The following ABCA6 variants were observed in gnomAD, a reference collection of about 807,000 sequenced individuals.
ABCA6 encodes ATP-binding cassette sub-family A member 6.
In ABCA6, 164 loss-of-function variants were observed where a neutral mutation model predicts 191.2. The observed-to-expected ratio is 0.86, with a 90% CI of 0.76 to 0.98. The LOEUF is 0.98. Ranked by LOEUF, ABCA6 falls within the 50% of genes least tolerant of loss-of-function variation. The pLI is 0.00. For missense variants in ABCA6, 1,958 were observed against 1,894.1 expected (o/e 1.03, Z -0.63); for synonymous variants, 636 against 647.7 (o/e 0.98, Z 0.27).
intron 36 of ABCA6, among the ~76,000 whole-genome samples, chr17:69,082,032 T>G (rs2072647756): frequency 6.6e-6 from 1 of 152,152 alleles, no homozygotes; most frequent in Non-Finnish European, 1.5e-5. Context: ...GTTGACCAGA[T>G]GTCCAAGATT....
At chr17:69,124,524 C>G (rs185836542) in intron 9 of ABCA6, among the ~76,000 whole-genome samples, 1 of 151,900 alleles carries the variant, frequency 6.6e-6, no homozygotes, top group African/African-American at 2.4e-5. Flanking sequence ...CTCCCGAGAG[C>G]CAAACCACCA....
chr17:69,087,629 A>G, intron 28 of ABCA6, 156 bp from the exon 29 acceptor site: 1 of 949,332 alleles, frequency 1.1e-6, no homozygotes. Flanking sequence ...TTTGCCAAGA[A>G]CTCCTGTCCC....
chr17:69,086,578 C>T, intron 30 of ABCA6, 40 bp downstream of exon 30: 2 of 1,440,030 alleles, frequency 1.4e-6, no homozygotes, highest in Non-Finnish European at 1.9e-6. Context: ...GTAGGTAGTT[C>T]TAAAAGTAAT....
At chr17:69,112,964 A>G (rs899298285) in intron 15 of ABCA6, 2 of 278,620 alleles carry the variant, frequency 7.2e-6, no homozygotes, top group African/African-American at 4.4e-5. Flanking sequence ...ATATAAAAAA[A>G]GATTTGAATG....
Position 69,114,921 on chromosome 17 carries a change from A to G in ABCA6, c.1623T>C (p.Tyr541=), listed in dbSNP as rs2144677393. ...CTTGCATTTCAGAGAGATTTTTATT[A>G]TAGATGGTAACTGATCCTAAGAATA... ...SVPTEGSVTI[Y]NKNLSEMQDL... is the part of the protein sequence containing the mutation. Residue 541 remains tyrosine (Y), a synonymous_variant, in exon 13 of 39, where the codon TAT becomes TAC. Transcript: ENST00000284425. 1.2e-6 allele frequency: 2 copies of G among 1,609,838 alleles called. No individual in the cohort carries two copies. Among genetic ancestry groups the G allele is most frequent in the East Asian group, 4.5e-5 (2 of 44,760 alleles).
chr17:69,130,094 T>A lies in ABCA6; in HGVS notation c.792-343A>T, dbSNP rs139153627. Among the ~76,000 whole-genome samples the A allele has an allele frequency of 2.8e-4, 42 of 152,136 alleles. No homozygotes were observed. In the East Asian group the frequency reaches 7.9e-3, roughly 29 times the overall value. Reference sequence around the variant, plus strand: ...ACTTTGGGAGGCTGAGGTGGGCAGATCATTTGAGGTCAAGAGTTCCAGACC... The same window carrying A: ...ACTTTGGGAGGCTGAGGTGGGCAGAACATTTGAGGTCAAGAGTTCCAGACC... On this transcript the variant is annotated intron_variant, in intron 6 of 38. Transcript: ENST00000284425.
chr17:69,079,305 A>G (rs749974106), intron 37 of ABCA6, 40 bp from the exon 38 acceptor site: 1 of 1,479,810 alleles, frequency 6.8e-7, no homozygotes, highest in Non-Finnish European at 9.2e-7. Context: ...GTAGATGCTT[A>G]CAATTTATTA....
chr17:69,124,860 G>A (rs1431879135), intron 9 of ABCA6, 28 bp downstream of exon 9: 9 of 1,415,642 alleles, frequency 6.4e-6, no homozygotes, highest in African/African-American at 1.5e-5. Flanking sequence ...TAACTGTAGA[G>A]GACAGAGAAA....
At chr17:69,122,543 T>G (rs980145991) in intron 10 of ABCA6, among the ~76,000 whole-genome samples, 1 of 152,000 alleles carries the variant, frequency 6.6e-6, no homozygotes, top group Non-Finnish European at 1.5e-5. Flanking sequence ...CTCATAAAAT[T>G]TACTCATTTT....
intron 11 of ABCA6, among the ~76,000 whole-genome samples, chr17:69,117,691 A>G (rs1286937244): frequency 6.6e-6 from 1 of 152,042 alleles, no homozygotes; most frequent in African/African-American, 2.4e-5. Flanking sequence ...GTATGATACC[A>G]CTGTTATAAA....
chr17:69,112,371 G>T, intron 15 of ABCA6, 98 bp from the exon 16 acceptor site: 1 of 883,982 alleles, frequency 1.1e-6, no homozygotes, highest in Non-Finnish European at 1.8e-6. Context: ...GTGCAAAGGA[G>T]AAGTATTCAA....
In ABCA6 at chr17:69,096,239, C is replaced by T; in HGVS notation, c.3408+1G>A. 7.0e-7 allele frequency: 1 copy of T among 1,419,482 alleles called. No individual in the cohort carries two copies. Among genetic ancestry groups the T allele is most frequent in the South Asian group, 1.4e-5 (1 of 70,426 alleles). The allele number at this position is 1,419,482 out of a possible 1,614,324, so 87.9% of individuals were successfully genotyped here. ...TCTATTTGTATGTATTATATACTTACAAAAAAGAAGTAAAATGACCAAAGG... is the reference window on the plus strand; with the variant it reads ...TCTATTTGTATGTATTATATACTTATAAAAAAGAAGTAAAATGACCAAAGG... On this transcript the variant is annotated splice_donor_variant, in intron 25 of 38. Transcript: ENST00000284425. LOFTEE classifies it high-confidence loss of function.
chr17:69,139,224 T>C (rs895587115), intron 2 of ABCA6, among the ~76,000 whole-genome samples: 2 of 152,086 alleles, frequency 1.3e-5, no homozygotes, highest in Non-Finnish European at 2.9e-5. Context: ...ATCCAGAATC[T>C]ACAATGAACT....
rs116306615 is a variant in ABCA6 at position 69,086,226 on chromosome 17, A to G, written c.3937+392T>C. Among the ~76,000 whole-genome samples, 304 of 151,736 alleles carry G rather than the reference A, an allele frequency of 2.0e-3. 3 individuals carry two copies. The highest frequency in any genetic ancestry group is 7.1e-3 in the African/African-American group (293 of 41,386). ...TAAATATGACACAAGTCCGCTAAAA[A>G]CTCTCCAATGGTATTATGCTAACTT... On this transcript the variant is annotated intron_variant, in intron 30 of 38. Coordinates refer to ENST00000284425, the MANE Select transcript of ABCA6 (RefSeq NM_080284.3).
intron 25 of ABCA6, 144 bp from the exon 26 acceptor site, chr17:69,091,406 C>G (rs946801386): frequency 2.4e-5 from 20 of 833,948 alleles, no homozygotes; most frequent in Admixed American, 3.3e-5. Flanking sequence ...ATAGTTTCTC[C>G]TTTTAGAGAC....
Position 69,085,097 on chromosome 17 carries a change from C to T in ABCA6, c.4115G>A (p.Arg1372Lys). 3 of 1,613,618 alleles carry T rather than the reference C, an allele frequency of 1.9e-6. No individual in the cohort carries two copies. Among genetic ancestry groups the T allele is most frequent in the Non-Finnish European group, 2.5e-6 (3 of 1,179,848 alleles). ...ENVLWPMLTL[R>K]EHLEVYAAVK... Reference sequence around the variant, plus strand: ...GGCAGCATACACCTCCAGGTGTTCCCTCAACGTCAGCATGGGCCACAGCAC... The same window carrying T: ...GGCAGCATACACCTCCAGGTGTTCCTTCAACGTCAGCATGGGCCACAGCAC... Residue 1372 changes from arginine (R) to lysine (K), a missense_variant, in exon 32 of 39, where the codon AGG becomes AAG. Arg to Lys is a conservative substitution (Grantham distance 26, BLOSUM62 2). Transcript: ENST00000284425.
chr17:69,092,917 A>T (rs567353089), intron 25 of ABCA6, among the ~76,000 whole-genome samples: 1 of 152,254 alleles, frequency 6.6e-6, no homozygotes, highest in Admixed American at 6.5e-5. Context: ...GAAATAAATT[A>T]TAAGTTATTT....
chr17:69,087,536 C>T, intron 28 of ABCA6, 63 bp from the exon 29 acceptor site: 1 of 1,593,510 alleles, frequency 6.3e-7, no homozygotes, highest in Non-Finnish European at 8.6e-7. Context: ...TGTCAAAAAT[C>T]AGCATTCCTG....
At chr17:69,079,300 T>C (rs1374703379) in intron 37 of ABCA6, 35 bp from the exon 38 acceptor site, 4 of 1,512,496 alleles carry the variant, frequency 2.6e-6, no homozygotes, top group Non-Finnish European at 3.6e-6. Context: ...TAATAGTAGA[T>C]GCTTACAATT....
Sources: allele counts gnomAD v4.1 joint callset (sites outside exome capture counted in the v4.1 genomes callset), GRCh38; gene constraint gnomAD v4.1.1; transcripts MANE v1.5; gene names NCBI Gene and HGNC (gene_info 2026-07-23, HGNC 2026-07-21).